The following RASA4 variants were observed in gnomAD, a reference collection of about 807,000 sequenced individuals.
The protein encoded by RASA4 is ras GTPase-activating protein 4.
In RASA4, 5 loss-of-function variants were observed where a neutral mutation model predicts 24.0. The ratio of observed to expected loss-of-function variants is 0.21; its 90% CI spans 0.11 to 0.44. RASA4 has a LOEUF of 0.44. RASA4 is among the 20% of genes least tolerant of loss of function. The pLI is 0.99. For synonymous variants in RASA4, 9 were observed against 132.7 expected (o/e 0.07, Z 6.41); for missense variants, 38 against 293.0 (o/e 0.13, Z 6.35).
chr7:102,610,514 A>G (rs1347746145), intron 2 of RASA4, among the ~76,000 whole-genome samples: 6 of 146,490 alleles, frequency 4.1e-5, no homozygotes, highest in Admixed American at 2.1e-4. Context: ...TTCAGGGTGC[A>G]GGCTGGGGTT....
chr7:102,604,181 A>T (rs1168009340), intron 5 of RASA4, among the ~76,000 whole-genome samples: 1 of 148,694 alleles, frequency 6.7e-6, no homozygotes, highest in Non-Finnish European at 1.5e-5. Context: ...AAACAAAAAA[A>T]CCCCAAGGTT....
At chr7:102,602,616 C>T (rs1790399087) in intron 5 of RASA4, among the ~76,000 whole-genome samples, 1 of 71,094 alleles carries the variant, frequency 1.4e-5, no homozygotes, top group African/African-American at 6.4e-5. Flanking sequence ...AAGAACCCCC[C>T]AAGGTAGAGG....
chr7:102,603,033 T>G (rs1790431874), intron 5 of RASA4, among the ~76,000 whole-genome samples: 1 of 147,692 alleles, frequency 6.8e-6, no homozygotes, highest in Non-Finnish European at 1.5e-5. Context: ...CAATCTTAGC[T>G]CACTGCAACC....
chr7:102,606,395 CAAAAAAAAAA>C (rs555519087), intron 4 of RASA4, among the ~76,000 whole-genome samples: 3 of 55,502 alleles, frequency 5.4e-5, no homozygotes, highest in African/African-American at 9.6e-5. Context: ...GACCCCATCT[CAAAAAAAAAA>C]AAAAAAAAAA....
At position 102,580,864 on chromosome 7, in the gene RASA4, A is replaced by C. The variant is rs1789662857; in HGVS notation, c.*1907T>G. 7.4e-6 allele frequency: 1 copy of C among 134,848 alleles called. No homozygotes were observed. Among genetic ancestry groups the C allele is most frequent in the Admixed American group, 7.8e-5 (1 of 12,816 alleles). The allele number at this position is 134,848 out of a possible 1,614,324, so 8.4% of individuals were successfully genotyped here. A position where few individuals can be genotyped will look rare whatever the true frequency, so the allele number is the denominator to read the frequency against. On this transcript the variant is annotated 3_prime_UTR_variant, in exon 21 of 21. Transcript: ENST00000262940. ...TCTCAAAAAAAAAAAAAAAAAAAAA[A>C]CTATAAAGTTCCCCTTCATCTGAAA...
intron 8 of RASA4, among the ~76,000 whole-genome samples, chr7:102,599,569 G>A (rs1312043873): frequency 3.8e-5 from 5 of 133,084 alleles, no homozygotes; most frequent in Admixed American, 7.5e-5. Context: ...CCCGGGAGGC[G>A]GAGCCTGCAG....
intron 5 of RASA4, among the ~76,000 whole-genome samples, chr7:102,602,995 C>G (rs1174509065): frequency 6.6e-6 from 1 of 150,664 alleles, no homozygotes; most frequent in Non-Finnish European, 1.5e-5. Flanking sequence ...GAGTCTCGCT[C>G]TGTCGCCCAG....
rs2133428927 is a variant in RASA4 at position 102,580,429 on chromosome 7, T to G, written c.*2342A>C. ...TTTTTTTTAATTTTAGGGACTAGGT[T>G]TTGCTATGTTGCCCAGGCTGGCCTT... On this transcript the variant is annotated 3_prime_UTR_variant, in exon 21 of 21. Coordinates refer to ENST00000262940, the MANE Select transcript of RASA4 (RefSeq NM_006989.6). 3 of 76,468 alleles carry G rather than the reference T, an allele frequency of 3.9e-5. No individual in the cohort carries two copies. In the East Asian group the frequency reaches 9.6e-4, roughly 24 times the overall value. 4.7% of individuals were successfully genotyped at this position (76,468 alleles called of 1,614,324 possible).
chr7:102,604,261 CCTT>C (rs1274218933), intron 5 of RASA4, among the ~76,000 whole-genome samples: 1,370 of 145,058 alleles, frequency 9.4e-3, no homozygotes, highest in African/African-American at 0.03. Context: ...AGCAAATGGA[CCTT>C]CTTAGGCTGA....
chr7:102,603,178 G>A (rs1266748534), intron 5 of RASA4, among the ~76,000 whole-genome samples: 5 of 139,416 alleles, frequency 3.6e-5, no homozygotes, highest in African/African-American at 5.3e-5. Flanking sequence ...CCAGGCTGCC[G>A]TCGAACTCCT....
At chr7:102,603,450 G>C (rs1203113914) in intron 5 of RASA4, among the ~76,000 whole-genome samples, 15 of 150,108 alleles carry the variant, frequency 1.0e-4, no homozygotes, top group African/African-American at 3.4e-4. Context: ...AAATTTTTTT[G>C]TAGAGACAGG....
intron 16 of RASA4, among the ~76,000 whole-genome samples, chr7:102,590,839 C>T (rs1586836854): frequency 2.1e-5 from 3 of 140,680 alleles, no homozygotes; most frequent in African/African-American, 8.6e-5. Flanking sequence ...ACTTGGGAGG[C>T]TGAGGCAGGA....
Position 102,616,751 on chromosome 7 carries a change from T to TGGACTGGGCGCC in RASA4, c.-63_-62insGGCGCCCAGTCC. 7.8e-7 allele frequency: 1 copy of TGGACTGGGCGCC among 1,280,324 alleles called. No homozygotes were observed. Among genetic ancestry groups the TGGACTGGGCGCC allele is most frequent in the East Asian group, 3.5e-5 (1 of 28,766 alleles). 79.3% of individuals were successfully genotyped at this position (1,280,324 alleles called of 1,614,324 possible). A position where few individuals can be genotyped will look rare whatever the true frequency, so the allele number is the denominator to read the frequency against. ...GTCCGGGGTGGCGGGCGGCGGGCGC[T>TGGACTGGGCGCC]GGACTGGGCGCCGCAGGTGGGGCGG... On this transcript the variant is annotated 5_prime_UTR_variant, in exon 1 of 21. Transcript: ENST00000262940.
At chr7:102,591,915 C>G (rs1790016562) in intron 16 of RASA4, among the ~76,000 whole-genome samples, 1 of 152,236 alleles carries the variant, frequency 6.6e-6, no homozygotes, top group Non-Finnish European at 1.5e-5. Flanking sequence ...CTCACTGCAA[C>G]TTCTGCCTCC....
intron 2 of RASA4, among the ~76,000 whole-genome samples, chr7:102,610,120 ATGGGACTCAGTGGG>A: frequency 1.4e-5 from 1 of 73,152 alleles, no homozygotes; most frequent in Non-Finnish European, 2.5e-5. Context: ...CCTTCAACTC[ATGGGACTCAGTGGG>A]CTAGCGGGTG....
chr7:102,593,684 GCC>G (rs1790104520), intron 14 of RASA4, 21 bp downstream of exon 14: 1 of 266,796 alleles, frequency 3.7e-6, no homozygotes, highest in East Asian at 8.1e-5. Context: ...TGTGCATCCC[GCC>G]CGTGGCCGCA....
intron 11 of RASA4, 66 bp downstream of exon 11, chr7:102,595,239 T>C: frequency 3.3e-6 from 2 of 605,696 alleles, no homozygotes; most frequent in Non-Finnish European, 5.2e-6. Flanking sequence ...CCCAGCCCCC[T>C]CTGTCGCTCT....
chr7:102,599,253 G>A (rs1448081807), intron 8 of RASA4, among the ~76,000 whole-genome samples: 9 of 6,398 alleles, frequency 1.4e-3, no homozygotes, highest in African/African-American at 4.0e-3. Flanking sequence ...AGATTGTGCC[G>A]CTGCACTCCA....
intron 16 of RASA4, among the ~76,000 whole-genome samples, chr7:102,590,716 G>T (rs1318612765): frequency 6.9e-6 from 1 of 145,326 alleles, no homozygotes. Flanking sequence ...CGAGGAAGGC[G>T]GATCACCTGA....
Sources: gnomAD v4.1 joint callset for allele counts (sites outside exome capture counted in the v4.1 genomes callset) on GRCh38, gnomAD v4.1.1 for gene constraint, MANE v1.5 for transcripts, NCBI Gene and HGNC (gene_info 2026-07-23, HGNC 2026-07-21) for gene names.